KCNH7: variants seen among roughly 807,000 people sequenced by gnomAD.
The protein encoded by KCNH7 is potassium voltage-gated channel subfamily H member 7.
Under a neutral mutation model 120.8 loss-of-function variants are expected in KCNH7, and 49 were observed. That is an observed-to-expected ratio of 0.41 (90% confidence interval 0.32 to 0.51). KCNH7 has a LOEUF of 0.51. KCNH7 is among the 20% of genes least tolerant of loss of function. KCNH7 has a pLI of 0.38. For synonymous variants in KCNH7, 547 were observed against 516.1 expected, an observed-to-expected ratio of 1.06 and a Z score of -0.81; for missense variants, 1,097 against 1,446.6, an observed-to-expected ratio of 0.76 and a Z score of 3.92.
intron 6 of KCNH7, among the ~76,000 whole-genome samples, chr2:162,466,143 T>C (rs6758069): frequency 0.074 from 11,232 of 152,234 alleles, 1,324 homozygotes; most frequent in African/African-American, 0.25. Flanking sequence ...TGGTATGCTA[T>C]GCTAGCTAGA....
At chr2:162,680,647 A>C (rs1471705513) in intron 2 of KCNH7, among the ~76,000 whole-genome samples, 1 of 151,778 alleles carries the variant, frequency 6.6e-6, no homozygotes, top group Non-Finnish European at 1.5e-5. Context: ...CATTATACTA[A>C]TAGAAATGTA....
At chr2:162,835,209 G>A (rs1333080659) in intron 2 of KCNH7, among the ~76,000 whole-genome samples, 1 of 151,926 alleles carries the variant, frequency 6.6e-6, no homozygotes, top group East Asian at 1.9e-4. Context: ...GTATACTATT[G>A]CTTTCATTCC....
chr2:162,384,702 C>T lies in KCNH7; in HGVS notation c.2948G>A (p.Ser983Asn). Residue 983 changes from serine (S) to asparagine (N), a missense_variant, in exon 13 of 16, where the codon AGT becomes AAT. Around this residue, in one of 8 missense-constraint regions of KCNH7, gnomAD observed 406 missense variants for 410.5 expected, o/e 0.99. Coordinates refer to ENST00000332142, the MANE Select transcript of KCNH7 (RefSeq NM_033272.4). ...TSGRMHIDKR[S>N]HSCKDITDMR... ...CTCTGGATTACCTTTGCAAGAGTGA[C>T]TTCTTTTATCTATGTGCATTCTTCC... 2 of 1,612,294 alleles carry T rather than the reference C, an allele frequency of 1.2e-6. No homozygotes were observed. Among genetic ancestry groups the T allele is most frequent in the Non-Finnish European group, 8.5e-7 (1 of 1,178,814 alleles).
chr2:162,472,739 G>A (rs929591422), intron 6 of KCNH7, among the ~76,000 whole-genome samples: 4 of 152,136 alleles, frequency 2.6e-5, no homozygotes, highest in African/African-American at 9.7e-5. Context: ...CCATTACTGG[G>A]TATACACCCA....
intron 2 of KCNH7, among the ~76,000 whole-genome samples, chr2:162,671,259 T>C (rs985048488): frequency 1.9e-4 from 29 of 152,150 alleles, no homozygotes; most frequent in African/African-American, 6.8e-4. Flanking sequence ...TAGACTAATA[T>C]GTTTATTGCA....
At chr2:162,407,170 G>A (rs746756333) in intron 9 of KCNH7, among the ~76,000 whole-genome samples, 7 of 151,966 alleles carry the variant, frequency 4.6e-5, no homozygotes, top group Non-Finnish European at 8.8e-5. Flanking sequence ...AGCGTTGAGA[G>A]AATAAACTAA....
At chr2:162,451,018 A>G (rs1039410060) in intron 6 of KCNH7, among the ~76,000 whole-genome samples, 6 of 152,016 alleles carry the variant, frequency 3.9e-5, no homozygotes, top group Non-Finnish European at 8.8e-5. Context: ...CCAATCAGGT[A>G]ATATAAATCT....
intron 6 of KCNH7, among the ~76,000 whole-genome samples, chr2:162,497,857 T>C (rs1690546894): frequency 6.6e-6 from 1 of 152,138 alleles, no homozygotes. Context: ...TCAGAAATCA[T>C]GAAAGTTACC....
At chr2:162,807,035 C>A (rs1684563827) in intron 2 of KCNH7, among the ~76,000 whole-genome samples, 2 of 151,432 alleles carry the variant, frequency 1.3e-5, no homozygotes, top group South Asian at 2.1e-4. Flanking sequence ...AATAAAAATA[C>A]TACTGAAATA....
chr2:162,388,135 T>C (rs1686630739), intron 12 of KCNH7, among the ~76,000 whole-genome samples: 1 of 151,796 alleles, frequency 6.6e-6, no homozygotes, highest in South Asian at 2.1e-4. Flanking sequence ...CTCTAAAGGG[T>C]ATTGAAAGAG....
At chr2:162,637,790 G>C (rs548785254) in intron 2 of KCNH7, among the ~76,000 whole-genome samples, 45 of 152,132 alleles carry the variant, frequency 3.0e-4, no homozygotes, top group Admixed American at 7.2e-4. Context: ...AGAAGAGATT[G>C]TTGTGATTTA....
At chr2:162,773,702 T>A (rs545253989) in intron 2 of KCNH7, among the ~76,000 whole-genome samples, 2 of 152,272 alleles carry the variant, frequency 1.3e-5, no homozygotes, top group South Asian at 4.1e-4. Context: ...TGAAATAGCC[T>A]GTCATTTTGT....
intron 8 of KCNH7, among the ~76,000 whole-genome samples, chr2:162,433,115 G>A (rs1350400063): frequency 1.3e-5 from 2 of 151,946 alleles, no homozygotes; most frequent in South Asian, 2.1e-4. Context: ...AAACACTGCT[G>A]AAAGAAATCA....
intron 9 of KCNH7, among the ~76,000 whole-genome samples, chr2:162,410,933 A>C (rs1687374201): frequency 6.6e-6 from 1 of 152,124 alleles, no homozygotes. Context: ...GGCTAATATT[A>C]AAAAATCTGA....
chr2:162,423,781 T>C (rs966533719), intron 8 of KCNH7, among the ~76,000 whole-genome samples: 1 of 152,198 alleles, frequency 6.6e-6, no homozygotes, highest in African/African-American at 2.4e-5. Flanking sequence ...AGATTGTTTA[T>C]TACATCAGCT....
At position 162,708,435 on chromosome 2, in the gene KCNH7, A is replaced by C. The variant is rs941588018; in HGVS notation, c.307+128102T>G. ...ATCAAAGTCCCGAAAGTATTGAGGG[A>C]CACAGGCCTAGAGGTATAAGTAGAG... On this transcript the variant is annotated intron_variant, in intron 2 of 15. Coordinates refer to ENST00000332142, the MANE Select transcript of KCNH7 (RefSeq NM_033272.4). Among the ~76,000 whole-genome samples, 3 of 152,078 alleles carry C rather than the reference A, an allele frequency of 2.0e-5. No individual in the cohort carries two copies. The East Asian group carries it at 5.8e-4, about 29-fold the overall frequency.
intron 2 of KCNH7, among the ~76,000 whole-genome samples, chr2:162,675,160 A>G (rs142866186): frequency 2.0e-3 from 309 of 151,670 alleles, no homozygotes; most frequent in African/African-American, 7.2e-3. Context: ...ATGGATGGAA[A>G]AACAAAAACA....
At chr2:162,433,925 A>T (rs535748595) in intron 8 of KCNH7, among the ~76,000 whole-genome samples, 4 of 152,186 alleles carry the variant, frequency 2.6e-5, no homozygotes, top group East Asian at 3.9e-4. Context: ...AGACACATGT[A>T]CTTATATGTT....
intron 2 of KCNH7, among the ~76,000 whole-genome samples, chr2:162,779,675 C>T (rs1273201): frequency 0.19 from 28,543 of 151,934 alleles, 3,354 homozygotes; most frequent in African/African-American, 0.34. Flanking sequence ...CTTTTGGTAC[C>T]CCACTTATAA....
Sources: gnomAD v4.1 joint callset for allele counts (sites outside exome capture counted in the v4.1 genomes callset) on GRCh38, gnomAD v4.1.1 for gene constraint, gnomAD v4.1.1 regional missense constraint, MANE v1.5 for transcripts, NCBI Gene and HGNC (gene_info 2026-07-23, HGNC 2026-07-21) for gene names.